REXO1: variants seen among roughly 807,000 people sequenced by gnomAD.
The protein encoded by REXO1 is RNA exonuclease 1 homolog, also known as REX1, RNA exonuclease 1 homolog.
In REXO1, 42 loss-of-function variants were observed where a neutral mutation model predicts 102.6. The ratio of observed to expected loss-of-function variants is 0.41; its 90% CI spans 0.32 to 0.53. The LOEUF is 0.53. REXO1 is among the 20% of genes least tolerant of loss of function. The pLI is 0.27. For synonymous variants in REXO1, 908 were observed against 779.1 expected (o/e 1.17, Z -2.76); for missense variants, 1,819 against 1,732.5 (o/e 1.05, Z -0.89).
intron 3 of REXO1, 117 bp from the exon 4 acceptor site, chr19:1,823,902 T>C (rs1042700486): frequency 2.4e-6 from 1 of 421,322 alleles, no homozygotes; most frequent in Non-Finnish European, 4.0e-6. Flanking sequence ...ACCACCTCCC[T>C]GGCTGCCTTC....
chr19:1,841,757 C>G (rs2011293252), intron 1 of REXO1, among the ~76,000 whole-genome samples: 2 of 152,218 alleles, frequency 1.3e-5, no homozygotes, highest in African/African-American at 4.8e-5. Context: ...CTGCAAGAGT[C>G]CCCGGAACCC....
chr19:1,829,738 G>A (rs559712674), intron 1 of REXO1, among the ~76,000 whole-genome samples: 2 of 152,042 alleles, frequency 1.3e-5, no homozygotes, highest in South Asian at 4.2e-4. Context: ...AACCTGGGAG[G>A]CAGAGGTTTC....
Position 1,821,694 on chromosome 19 carries a change from C to G in REXO1, c.2231-12G>C. The G allele has an allele frequency of 3.7e-6, 6 of 1,606,176 alleles. No homozygotes were observed. The highest frequency in any genetic ancestry group is 4.2e-6 in the Non-Finnish European group (5 of 1,177,992). On this transcript the variant is annotated splice_polypyrimidine_tract_variant and intron_variant, in intron 4 of 15. Coordinates refer to ENST00000170168, the MANE Select transcript of REXO1 (RefSeq NM_020695.4). ...GGCACCTGTGGGGGCTGGCGGGGCA[C>G]AGGGGGTGTGGGCACAGGGCGAGTG...
intron 1 of REXO1, among the ~76,000 whole-genome samples, chr19:1,831,251 C>A (rs1193252541): frequency 1.3e-5 from 2 of 152,184 alleles, no homozygotes; most frequent in African/African-American, 4.8e-5. Context: ...GGGAACCTGC[C>A]CGCACCAAGA....
At chr19:1,821,302 G>A (rs1181820509) in intron 5 of REXO1, among the ~76,000 whole-genome samples, 4 of 149,878 alleles carry the variant, frequency 2.7e-5, no homozygotes, top group Non-Finnish European at 4.4e-5. Flanking sequence ...CCAAGATCGT[G>A]CCACTGCACT....
intron 1 of REXO1, among the ~76,000 whole-genome samples, chr19:1,844,909 C>T (rs1326393626): frequency 2.0e-5 from 3 of 152,304 alleles, no homozygotes; most frequent in South Asian, 2.1e-4. Context: ...TCTGGGAGCA[C>T]GTTCCTGCCG....
Position 1,820,391 on chromosome 19 carries a change from A to G in REXO1, c.2399T>C (p.Leu800Ser), listed in dbSNP as rs1026984492. The change falls in exon 6 of 16, where the codon TTA becomes TCA. Residue 800 changes from leucine (L) to serine (S), a missense_variant. Coordinates refer to ENST00000170168, the MANE Select transcript of REXO1 (RefSeq NM_020695.4). ...CTCTTTGGGGATAATGGGTTTCTTT[A>G]AACTCTAGAGGGAAGGCAAAAGCTG... ...RIAHSPSLQS[L>S]KKPIIPKEFG... The G allele has an allele frequency of 2.5e-6, 4 of 1,613,098 alleles. No homozygotes were observed. In the African/African-American group the frequency reaches 5.3e-5, roughly 22 times the overall value.
In REXO1 at chr19:1,819,128, G is replaced by C; in HGVS notation, c.2654C>G (p.Thr885Ser). The change falls in exon 8 of 16, where the codon ACC becomes AGC. Residue 885 changes from threonine (T) to serine (S), a missense_variant. By Grantham distance (58) the Thr-to-Ser change is moderately conservative. Transcript: ENST00000170168. The part of the protein sequence containing the change: ...APSAVPGLSK[T>S]SGRRVVSHEV... ...GTGGGACACAACCCTGCGGCCACTG[G>C]TTTCTGGAAGGAAGGGAGGGAGGGG... is the stretch of plus-strand genomic sequence containing the variant. 1.3e-6 allele frequency: 2 copies of C among 1,562,490 alleles called. No homozygotes were observed. Among genetic ancestry groups the C allele is most frequent in the Middle Eastern group, 1.7e-4 (1 of 5,822 alleles).
intron 10 of REXO1, 104 bp from the exon 11 acceptor site, chr19:1,817,884 C>G (rs2069418396): frequency 4.4e-6 from 4 of 903,968 alleles, no homozygotes; most frequent in Non-Finnish European, 3.5e-6. Context: ...GGAGTGAGGA[C>G]TGAGGACAGG....
chr19:1,841,445 G>A (rs932783709), intron 1 of REXO1, among the ~76,000 whole-genome samples: 7 of 152,096 alleles, frequency 4.6e-5, no homozygotes, highest in African/African-American at 7.2e-5. Flanking sequence ...AGCACAGCCC[G>A]CACGACGCTT....
intron 1 of REXO1, among the ~76,000 whole-genome samples, chr19:1,847,119 G>A (rs1489964598): frequency 6.6e-6 from 1 of 152,182 alleles, no homozygotes; most frequent in Admixed American, 6.5e-5. Flanking sequence ...CAAACACAGC[G>A]AAGACGCTGG....
At chr19:1,817,029 C>T in intron 12 of REXO1, 190 bp downstream of exon 12, 1 of 787,664 alleles carries the variant, frequency 1.3e-6, no homozygotes, top group South Asian at 1.8e-5. Flanking sequence ...GGGCCCAGTG[C>T]CCGGTGTGCT....
chr19:1,827,452 G>A lies in REXO1; in HGVS notation c.1337C>T (p.Ser446Leu), dbSNP rs1468343291. ...KPSSATPVAT[S>L]GKGRPDRPAR... is the part of the protein sequence containing the mutation. The stretch of plus-strand genomic sequence containing the variant: ...TGGCCGGTCAGGCCTCCCTTTCCCT[G>A]AGGTGGCCACAGGAGTGGCCGAAGA... The change falls in exon 2 of 16, where the codon TCA becomes TTA. Residue 446 changes from serine (S) to leucine (L), a missense_variant. Physicochemically the swap from Ser to Leu is moderately radical, Grantham distance 145. Transcript: ENST00000170168. 6.4e-7 allele frequency: 1 copy of A among 1,563,962 alleles called. No individual in the cohort carries two copies. The highest frequency in any genetic ancestry group is 1.4e-5 in the African/African-American group (1 of 72,362).
chr19:1,832,348 A>G (rs1164644209), intron 1 of REXO1, among the ~76,000 whole-genome samples: 1 of 152,188 alleles, frequency 6.6e-6, no homozygotes, highest in Non-Finnish European at 1.5e-5. Context: ...TTTAAGGCCC[A>G]CGGGGACGAA....
In REXO1 at chr19:1,821,550, G is replaced by A; in HGVS notation, c.2363C>T (p.Pro788Leu). Residue 788 changes from proline to leucine, a missense_variant, in exon 5 of 16, where the codon CCT becomes CTT. Pro to Leu is a moderately conservative substitution (Grantham distance 98, BLOSUM62 -3). Transcript: ENST00000170168. ...MASKTTTTII[P>L]KRIAHSPSLQ... ...GGATGGACTGTGGGCGATTCGCTTA[G>A]GGATGATGGTGGTGGTAGTCTTGGA... 6.2e-7 allele frequency: 1 copy of A among 1,613,940 alleles called. No homozygotes were observed. The highest frequency in any genetic ancestry group is 1.1e-5 in the South Asian group (1 of 91,070).
chr19:1,844,054 A>AT (rs1195358399), intron 1 of REXO1, among the ~76,000 whole-genome samples: 1 of 152,220 alleles, frequency 6.6e-6, no homozygotes, highest in African/African-American at 2.4e-5. Flanking sequence ...TAGCAGGGGT[A>AT]TGGGAGGCTG....
At chr19:1,817,103 G>T in intron 12 of REXO1, 116 bp downstream of exon 12, 1 of 1,283,240 alleles carries the variant, frequency 7.8e-7, no homozygotes, top group Non-Finnish European at 1.1e-6. Context: ...GGTGCTGCGA[G>T]AGAAACCCTG....
intron 10 of REXO1, among the ~76,000 whole-genome samples, chr19:1,818,169 C>T (rs998800559): frequency 6.6e-6 from 1 of 152,208 alleles, no homozygotes; most frequent in African/African-American, 2.4e-5. Flanking sequence ...CAAGCCCCTC[C>T]GCTCCTGGGG....
intron 1 of REXO1, among the ~76,000 whole-genome samples, chr19:1,832,176 C>T (rs771170631): frequency 6.6e-6 from 1 of 152,134 alleles, no homozygotes; most frequent in African/African-American, 2.4e-5. Flanking sequence ...GGGAGGAAGG[C>T]GCCCTGAGCC....
Sources: allele counts gnomAD v4.1 joint callset (sites outside exome capture counted in the v4.1 genomes callset), GRCh38; gene constraint gnomAD v4.1.1; transcripts MANE v1.5; gene names NCBI Gene and HGNC (gene_info 2026-07-23, HGNC 2026-07-21).